The following CCSER1 variants were observed in gnomAD, a reference collection of about 807,000 sequenced individuals.
The protein encoded by CCSER1 is coiled-coil serine rich protein 1.
In CCSER1, 41 loss-of-function variants were observed where a neutral mutation model predicts 82.0. The ratio of observed to expected loss-of-function variants is 0.50; its 90% confidence interval spans 0.39 to 0.65. CCSER1 has a LOEUF of 0.65. CCSER1 is among the 30% of genes least tolerant of loss of function. The pLI is 0.00. For synonymous variants in CCSER1, 414 were observed against 383.9 expected, an observed-to-expected ratio of 1.08 and a Z score of -0.92; for missense variants, 1,119 against 1,064.2, an observed-to-expected ratio of 1.05 and a Z score of -0.72.
intron 9 of CCSER1, among the ~76,000 whole-genome samples, chr4:91,060,001 G>A (rs972671030): frequency 1.8e-4 from 27 of 152,064 alleles, no homozygotes; most frequent in African/African-American, 6.5e-4. Flanking sequence ...CATAGGTCAG[G>A]CTGCTGAGCA....
intron 5 of CCSER1, among the ~76,000 whole-genome samples, chr4:90,576,866 A>C (rs1356275244): frequency 6.6e-6 from 1 of 152,122 alleles, no homozygotes; most frequent in Non-Finnish European, 1.5e-5. Flanking sequence ...CTAGGTTTTC[A>C]ACTTTGGGGT....
chr4:90,361,058 T>G (rs1271837312), intron 3 of CCSER1, among the ~76,000 whole-genome samples: 4 of 152,202 alleles, frequency 2.6e-5, no homozygotes, highest in Non-Finnish European at 5.9e-5. Flanking sequence ...GTAGGTGACA[T>G]TATCTAAACA....
At chr4:91,549,684 A>G (rs540567631) in intron 10 of CCSER1, among the ~76,000 whole-genome samples, 1 of 152,230 alleles carries the variant, frequency 6.6e-6, no homozygotes, top group South Asian at 2.1e-4. Context: ...TAAAAATACA[A>G]AAATTAGACG....
At chr4:91,033,440 G>T (rs1741159730) in intron 9 of CCSER1, among the ~76,000 whole-genome samples, 1 of 152,148 alleles carries the variant, frequency 6.6e-6, no homozygotes, top group Admixed American at 6.6e-5. Context: ...TCCTGCTGTT[G>T]CCTCCTTCTG....
intron 9 of CCSER1, among the ~76,000 whole-genome samples, chr4:91,020,397 T>C (rs1739828481): frequency 6.6e-6 from 1 of 152,124 alleles, no homozygotes; most frequent in Non-Finnish European, 1.5e-5. Flanking sequence ...GTGCGGTGGC[T>C]CACACCTGTC....
intron 1 of CCSER1, among the ~76,000 whole-genome samples, chr4:90,238,679 CAT>C (rs1746264645): frequency 6.6e-6 from 1 of 152,086 alleles, no homozygotes; most frequent in South Asian, 2.1e-4. Flanking sequence ...CATACACACA[CAT>C]ACATCTGAAA....
intron 10 of CCSER1, among the ~76,000 whole-genome samples, chr4:91,161,138 A>C (rs954222577): frequency 2.0e-5 from 3 of 152,176 alleles, no homozygotes; most frequent in Non-Finnish European, 4.4e-5. Flanking sequence ...CAGTTTTCCC[A>C]GCACCATTTA....
chr4:90,751,848 C>G (rs565114957), intron 7 of CCSER1, among the ~76,000 whole-genome samples: 1 of 152,042 alleles, frequency 6.6e-6, no homozygotes, highest in African/African-American at 2.4e-5. Flanking sequence ...ACCTAGCAGA[C>G]TTTTTAAAAA....
At chr4:90,498,300 C>A (rs1222145272) in intron 5 of CCSER1, among the ~76,000 whole-genome samples, 1 of 152,092 alleles carries the variant, frequency 6.6e-6, no homozygotes, top group East Asian at 1.9e-4. Context: ...CCCTCTCTTT[C>A]AAAATATCTT....
At chr4:91,580,442 A>T (rs1763676026) in intron 10 of CCSER1, among the ~76,000 whole-genome samples, 1 of 151,626 alleles carries the variant, frequency 6.6e-6, no homozygotes, top group African/African-American at 2.4e-5. Flanking sequence ...ACTTTTATAT[A>T]TGTGGAAATG....
At chr4:90,374,044 G>T (rs1445662793) in intron 3 of CCSER1, among the ~76,000 whole-genome samples, 2 of 152,156 alleles carry the variant, frequency 1.3e-5, no homozygotes, top group South Asian at 2.1e-4. Flanking sequence ...TGTGGCTTTT[G>T]CCAACATCCA....
chr4:91,179,054 T>C (rs1031673999), intron 10 of CCSER1, among the ~76,000 whole-genome samples: 1 of 152,194 alleles, frequency 6.6e-6, no homozygotes, highest in Non-Finnish European at 1.5e-5. Flanking sequence ...TCTCCTTCTT[T>C]TATGAAGCTT....
chr4:91,556,534 A>G (rs1459513706), intron 10 of CCSER1, among the ~76,000 whole-genome samples: 1 of 151,070 alleles, frequency 6.6e-6, no homozygotes, highest in Non-Finnish European at 1.5e-5. Flanking sequence ...CTTAAAGTAT[A>G]ATTAAAAAAA....
intron 10 of CCSER1, among the ~76,000 whole-genome samples, chr4:91,477,405 A>G (rs938125982): frequency 2.6e-5 from 4 of 151,666 alleles, no homozygotes; most frequent in African/African-American, 9.7e-5. Flanking sequence ...CTACTGTAAT[A>G]CTAGGCTTAC....
intron 8 of CCSER1, among the ~76,000 whole-genome samples, chr4:90,889,664 T>C (rs1260681687): frequency 6.6e-6 from 1 of 152,138 alleles, no homozygotes; most frequent in African/African-American, 2.4e-5. Context: ...GGAACTGTGG[T>C]ATATACATAA....
At position 90,735,865 on chromosome 4, in the gene CCSER1, AATG is replaced by A. The variant is rs1389272659; in HGVS notation, c.2010+11875_2010+11877del. On this transcript the variant is annotated intron_variant, in intron 7 of 10. Transcript: ENST00000509176. ...TATAACTATAAATTTCCCTCTTAGA[AATG>A]CTTTCACTATAGCTCATAGGTTTGG... Among the ~76,000 whole-genome samples the A allele has an allele frequency of 1.4e-4, 21 of 152,160 alleles. No homozygotes were observed. In the South Asian group the frequency reaches 2.3e-3, roughly 17 times the overall value.
At chr4:90,947,938 C>T (rs1318435002) in intron 9 of CCSER1, among the ~76,000 whole-genome samples, 4 of 152,072 alleles carry the variant, frequency 2.6e-5, no homozygotes, top group African/African-American at 9.7e-5. Context: ...CCCATAGCAT[C>T]TCCTAAATCA....
rs567106249 is a variant in CCSER1 at position 91,552,164 on chromosome 4, G to T, written c.2218-46408G>T. On this transcript the variant is annotated intron_variant, in intron 10 of 10. Coordinates refer to ENST00000509176, the MANE Select transcript of CCSER1 (RefSeq NM_001145065.2). Reference sequence around the variant, plus strand: ...AGATGGCTAAACTACCCTCAAATTTGCATAGACAAGAGATTTTAGCATGTT... The same window carrying T: ...AGATGGCTAAACTACCCTCAAATTTTCATAGACAAGAGATTTTAGCATGTT... 4.6e-5 allele frequency among the ~76,000 whole-genome samples: 7 copies of T among 151,712 alleles called. No individual in the cohort carries two copies. In the East Asian group the frequency reaches 1.4e-3, roughly 29 times the overall value.
At chr4:91,231,580 T>C (rs148872053) in intron 10 of CCSER1, among the ~76,000 whole-genome samples, 1,929 of 151,838 alleles carry the variant, frequency 0.013, 22 homozygotes, top group Non-Finnish European at 0.019. Context: ...GAGGAAAAGA[T>C]AGATGACAGG....
Sources: allele counts gnomAD v4.1 joint callset (sites outside exome capture counted in the v4.1 genomes callset), GRCh38; gene constraint gnomAD v4.1.1; transcripts MANE v1.5; gene names NCBI Gene and HGNC (gene_info 2026-07-23, HGNC 2026-07-21).